Variants in TTC28 observed in about 807,000 individuals in gnomAD.
TTC28 encodes tetratricopeptide repeat protein 28.
TTC28 carries 61 observed loss-of-function variants against 198.0 expected under a neutral mutation model. That is an observed-to-expected ratio of 0.31 (90% CI 0.25 to 0.38). The LOEUF is 0.38. Ranked by LOEUF, TTC28 falls within the 10% of genes least tolerant of loss-of-function variation. The probability of loss-of-function intolerance (pLI) is 1.00; values close to 1 mark genes in which losing one functional copy is unlikely to be tolerated. For synonymous variants in TTC28, 1,171 were observed against 1,297.8 expected (o/e 0.90, Z 2.10); for missense variants, 2,678 against 3,164.0 (o/e 0.85, Z 3.69).
chr22:28,450,371 A>C (rs2047761669), intron 2 of TTC28, among the ~76,000 whole-genome samples: 3 of 152,194 alleles, frequency 2.0e-5, no homozygotes, highest in Non-Finnish European at 4.4e-5. Context: ...TTATTTGGCC[A>C]ATAATGCCTG....
Position 27,998,498 on chromosome 22 carries a change from C to T in TTC28, c.5119+42G>A, listed in dbSNP as rs1201229466. ...AAGTCGGGGGGCTGTGAGGACTGAG[C>T]CCCAGGCCTTGACAGGCACCCGCAG... is the stretch of plus-strand genomic sequence containing the variant. On this transcript the variant is annotated intron_variant, in intron 16 of 22. Coordinates refer to ENST00000397906, the MANE Select transcript of TTC28 (RefSeq NM_001145418.2). 2.6e-6 allele frequency: 4 copies of T among 1,522,312 alleles called. No homozygotes were observed. In the Admixed American group the frequency reaches 8.1e-5, roughly 31 times the overall value. The allele number at this position is 1,522,312 out of a possible 1,614,324, so 94.3% of individuals were successfully genotyped here. A position where few individuals can be genotyped will look rare whatever the true frequency, so the allele number is the denominator to read the frequency against.
chr22:28,386,346 T>G (rs1056876248), intron 2 of TTC28, among the ~76,000 whole-genome samples: 1 of 149,394 alleles, frequency 6.7e-6, no homozygotes, highest in Non-Finnish European at 1.5e-5. Context: ...TATTCATCTC[T>G]TCTCCAATAC....
intron 1 of TTC28, among the ~76,000 whole-genome samples, chr22:28,639,211 C>T (rs2051322514): frequency 6.8e-6 from 1 of 146,390 alleles, no homozygotes; most frequent in African/African-American, 2.6e-5. Flanking sequence ...CTTTGCAAGG[C>T]ATAAATTTTA....
In TTC28 at chr22:28,211,642, G is replaced by C. The variant is rs956246875; in HGVS notation, c.934-48043C>G. ...CCCAGATTCATAAAGCAAGTCCTTA[G>C]AGACCTACAAAGAGACTTAGATTCC... On this transcript the variant is annotated intron_variant, in intron 5 of 22. Coordinates refer to ENST00000397906, the MANE Select transcript of TTC28 (RefSeq NM_001145418.2). Among the ~76,000 whole-genome samples the C allele has an allele frequency of 3.3e-4, 50 of 152,072 alleles. 1 individual carries two copies. Among genetic ancestry groups the C allele is most frequent in the African/African-American group, 1.2e-3 (49 of 41,422 alleles).
chr22:28,233,747 C>A (rs1371488677), intron 5 of TTC28, among the ~76,000 whole-genome samples: 2 of 151,940 alleles, frequency 1.3e-5, no homozygotes, highest in Non-Finnish European at 2.9e-5. Flanking sequence ...AGAAAAAGGA[C>A]CTTTTTTGTT....
chr22:28,629,925 A>G (rs913884318), intron 1 of TTC28, 95 bp from the exon 2 acceptor site: 1 of 1,135,610 alleles, frequency 8.8e-7, no homozygotes, highest in African/African-American at 1.6e-5. Context: ...CCAGTTGCAC[A>G]TTAAAATGTG....
At chr22:28,389,595 A>T (rs2046679389) in intron 2 of TTC28, among the ~76,000 whole-genome samples, 1 of 150,350 alleles carries the variant, frequency 6.7e-6, no homozygotes, top group Non-Finnish European at 1.5e-5. Context: ...CGAGGAATTT[A>T]TCCATTTCTT....
intron 10 of TTC28, 145 bp from the exon 11 acceptor site, chr22:28,096,553 A>G (rs1941980424): frequency 3.5e-6 from 3 of 867,474 alleles, no homozygotes; most frequent in African/African-American, 1.7e-5. Context: ...ACACTGCTTC[A>G]GATTCAATTC....
intron 2 of TTC28, among the ~76,000 whole-genome samples, chr22:28,538,053 T>A (rs1286878957): frequency 6.6e-6 from 1 of 152,210 alleles, no homozygotes. Flanking sequence ...TGTCATTGCA[T>A]ACATATCTAA....
At chr22:28,259,027 A>ACTG (rs1931144223) in intron 5 of TTC28, among the ~76,000 whole-genome samples, 3 of 152,080 alleles carry the variant, frequency 2.0e-5, no homozygotes, top group Non-Finnish European at 4.4e-5. Context: ...CCTCTGAAGT[A>ACTG]CTGCTGTGGT....
At chr22:28,211,065 T>C (rs1388821412) in intron 5 of TTC28, among the ~76,000 whole-genome samples, 1 of 152,092 alleles carries the variant, frequency 6.6e-6, no homozygotes, top group Non-Finnish European at 1.5e-5. Context: ...TAAAATCCTT[T>C]ACAGACAAGC....
rs996328523 is a variant in TTC28 at position 27,982,461 on chromosome 22, A to C, written c.7206T>G (p.Asn2402Lys). The C allele has an allele frequency of 6.4e-7, 1 of 1,551,172 alleles. No homozygotes were observed. Among genetic ancestry groups the C allele is most frequent in the Non-Finnish European group, 8.7e-7 (1 of 1,146,876 alleles). The change falls in exon 23 of 23, where the codon AAT (asparagine) becomes AAG (lysine). Residue 2402 changes from asparagine to lysine, a missense_variant. By Grantham distance (94) the Asn-to-Lys change is moderately conservative (BLOSUM62 0). Transcript: ENST00000397906. The surrounding 1 kb of genome is among the most constrained non-coding windows in gnomAD (Gnocchi z 5.2). ...LSLLNLSPRH[N>K]KKEEGVDKLE... is the part of the protein sequence containing the mutation. ...GCTTATCCACTCCCTCCTCCTTCTT[A>C]TTGTGCCGTGGTGACAAATTCAACA... is the stretch of plus-strand genomic sequence containing the variant.
intron 4 of TTC28, 110 bp from the exon 5 acceptor site, chr22:28,296,438 T>A (rs186565427): frequency 1.0e-6 from 1 of 979,894 alleles, no homozygotes; most frequent in African/African-American, 1.6e-5. Flanking sequence ...TTAGCTAAGA[T>A]TTCACTTATC....
chr22:28,467,281 A>G (rs1427969919), intron 2 of TTC28, among the ~76,000 whole-genome samples: 1 of 152,148 alleles, frequency 6.6e-6, no homozygotes, highest in Non-Finnish European at 1.5e-5. Context: ...AAAATTAGCC[A>G]GGGTTGGTGG....
intron 2 of TTC28, among the ~76,000 whole-genome samples, chr22:28,358,404 A>G: frequency 6.6e-6 from 1 of 152,164 alleles, no homozygotes; most frequent in Non-Finnish European, 1.5e-5. Flanking sequence ...AAAAGCCATA[A>G]TTTAAACTGA....
intron 9 of TTC28, among the ~76,000 whole-genome samples, chr22:28,100,587 T>G (rs1222572813): frequency 6.6e-6 from 1 of 152,222 alleles, no homozygotes; most frequent in East Asian, 1.9e-4. Context: ...GGAGTCTGGA[T>G]GTCCTTATCC....
At position 27,982,282 on chromosome 22, in the gene TTC28, G is replaced by A; in HGVS notation, c.7385C>T (p.Pro2462Leu). 6.8e-7 allele frequency: 1 copy of A among 1,479,988 alleles called. No homozygotes were observed. Among genetic ancestry groups the A allele is most frequent in the Non-Finnish European group, 9.0e-7 (1 of 1,115,598 alleles). The allele number at this position is 1,479,988 out of a possible 1,614,324, so 91.7% of individuals were successfully genotyped here. The change falls in exon 23 of 23, where the codon CCT becomes CTT. Residue 2462 changes from proline (P) to leucine (L), a missense_variant. Coordinates refer to ENST00000397906, the MANE Select transcript of TTC28 (RefSeq NM_001145418.2). This position sits in a 1 kb window ranked among gnomAD's most constrained non-coding sequence, Gnocchi z 5.2. ...CAGGAACTTGTAGCCATTTCCAGAA[G>A]GAAGCCTCAAAGGGCGCGCGGGGGC... ...ATAPARPLRL[P>L]SGNGYKFLSP... is the part of the protein sequence containing the mutation.
At chr22:28,633,830 A>ATTT (rs1456881127) in intron 1 of TTC28, among the ~76,000 whole-genome samples, 1 of 152,186 alleles carries the variant, frequency 6.6e-6, no homozygotes, top group Non-Finnish European at 1.5e-5. Context: ...CTTTAGTGAA[A>ATTT]TATCTCTCAC....
rs1331744113 is a variant in TTC28 at position 28,463,663 on chromosome 22, CA to C, written c.382-157021del. ...CATTCTCAGCAAACTATGGCAAGGACAAAAAACCAGACAACACATGTTCTCA... is the reference window on the plus strand; with the variant it reads ...CATTCTCAGCAAACTATGGCAAGGACAAAAACCAGACAACACATGTTCTCA... On this transcript the variant is annotated intron_variant, in intron 2 of 22. Coordinates refer to ENST00000397906, the MANE Select transcript of TTC28 (RefSeq NM_001145418.2). Among the ~76,000 whole-genome samples, 15 of 149,562 alleles carry C rather than the reference CA, an allele frequency of 1.0e-4. No individual in the cohort carries two copies. In the Admixed American group the frequency reaches 1.0e-3, roughly 10 times the overall value.
Sources: allele counts gnomAD v4.1 joint callset (sites outside exome capture counted in the v4.1 genomes callset), GRCh38; gene constraint gnomAD v4.1.1; non-coding constraint Gnocchi (gnomAD v3.1); transcripts MANE v1.5; gene names NCBI Gene and HGNC (gene_info 2026-07-23, HGNC 2026-07-21).